THSD4: variants seen among roughly 807,000 people sequenced by gnomAD.
THSD4 encodes the protein thrombospondin type 1 domain containing 4.
In THSD4, 69 loss-of-function variants were observed where a neutral mutation model predicts 119.0. That is an observed-to-expected ratio of 0.58 (90% confidence interval 0.48 to 0.71). The LOEUF (loss-of-function observed/expected upper bound fraction) is 0.71, where lower values mean the gene tolerates loss of function less well. Among genes scored for constraint, THSD4 ranks in the 30% least tolerant of loss-of-function variants. The pLI is 0.00. For synonymous variants in THSD4, 524 were observed against 540.4 expected (o/e 0.97, Z 0.42); for missense variants, 1,393 against 1,391.1 (o/e 1.00, Z -0.02).
chr15:71,688,201 A>C (rs1015961965), intron 8 of THSD4, among the ~76,000 whole-genome samples: 3 of 152,242 alleles, frequency 2.0e-5, no homozygotes, highest in African/African-American at 7.2e-5. Context: ...ACTGGTGGGA[A>C]GCCTTTACAA....
At chr15:71,507,411 C>T (rs1385354589) in intron 7 of THSD4, among the ~76,000 whole-genome samples, 1 of 17,380 alleles carries the variant, frequency 5.8e-5, no homozygotes, top group Admixed American at 6.2e-4. Context: ...TTATTTCTCT[C>T]ATAAACTGCA....
chr15:71,756,305 G>T (rs1329346403), intron 14 of THSD4, among the ~76,000 whole-genome samples: 1 of 152,188 alleles, frequency 6.6e-6, no homozygotes, highest in Admixed American at 6.5e-5. Flanking sequence ...TAGAGTCTGT[G>T]AGACCTAATG....
intron 8 of THSD4, among the ~76,000 whole-genome samples, chr15:71,704,095 A>G (rs778914551): frequency 8.6e-5 from 13 of 152,038 alleles, no homozygotes; most frequent in South Asian, 2.1e-4. Flanking sequence ...TGATCCGCCC[A>G]CCTTGGCCTC....
In THSD4 at chr15:71,778,401, TTAC is replaced by T. The variant is rs1355611968; in HGVS notation, c.*1029_*1031del. On this transcript the variant is annotated 3_prime_UTR_variant, in exon 18 of 18. Coordinates refer to ENST00000261862, the MANE Select transcript of THSD4 (RefSeq NM_024817.3). ...GAAACCAGGTGATTGCCTGAAATTC[TTAC>T]TCCGTTCCAAGTGCTGTTCCTCCCA... 1 of 152,330 alleles carries T rather than the reference TTAC, an allele frequency of 6.6e-6. No individual in the cohort carries two copies. The highest frequency in any genetic ancestry group is 1.5e-5 in the Non-Finnish European group (1 of 68,134). The allele number at this position is 152,330 out of a possible 1,614,324, so 9.4% of individuals were successfully genotyped here.
intron 6 of THSD4, among the ~76,000 whole-genome samples, chr15:71,259,461 T>C (rs1039174900): frequency 6.6e-6 from 1 of 151,960 alleles, no homozygotes; most frequent in Non-Finnish European, 1.5e-5. Context: ...TGAGATCTAC[T>C]CGCTAGAGTA....
chr15:71,164,443 A>T (rs1327002496), intron 3 of THSD4, among the ~76,000 whole-genome samples: 5 of 150,266 alleles, frequency 3.3e-5, no homozygotes. Context: ...GCTGCATCAG[A>T]GACAACTGAA....
intron 7 of THSD4, among the ~76,000 whole-genome samples, chr15:71,429,361 G>T (rs990246437): frequency 1.3e-5 from 2 of 152,248 alleles, no homozygotes; most frequent in African/African-American, 4.8e-5. Flanking sequence ...CCACAGAGCA[G>T]ACAATGGGTG....
intron 7 of THSD4, among the ~76,000 whole-genome samples, chr15:71,538,422 G>T (rs2048715014): frequency 6.6e-6 from 1 of 152,188 alleles, no homozygotes; most frequent in South Asian, 2.1e-4. Flanking sequence ...TCAGGTAAAT[G>T]ATCTGTCTCT....
At chr15:71,554,681 C>A (rs2048990720) in intron 7 of THSD4, among the ~76,000 whole-genome samples, 1 of 151,974 alleles carries the variant, frequency 6.6e-6, no homozygotes, top group South Asian at 2.1e-4. Context: ...CAGGTGTGAG[C>A]CACCACACCC....
At chr15:71,188,312 C>A (rs896428136) in intron 3 of THSD4, among the ~76,000 whole-genome samples, 1 of 151,900 alleles carries the variant, frequency 6.6e-6, no homozygotes, top group Admixed American at 6.6e-5. Flanking sequence ...GGTGTGGGAG[C>A]CGTGAGAGTT....
chr15:71,781,089 C>A lies in THSD4; in HGVS notation c.*3715C>A. 1 of 261,550 alleles carries A rather than the reference C, an allele frequency of 3.8e-6. No individual in the cohort carries two copies. Among genetic ancestry groups the A allele is most frequent in the Non-Finnish European group, 7.8e-6 (1 of 128,676 alleles). 16.2% of individuals were successfully genotyped at this position (261,550 alleles called of 1,614,324 possible). A position where few individuals can be genotyped will look rare whatever the true frequency, so the allele number is the denominator to read the frequency against. ...TCTATATCAGCCTTGTGGGTGGAGA[C>A]TAGTATTTGATCCTTGCCATATAAA... On this transcript the variant is annotated 3_prime_UTR_variant, in exon 18 of 18. Coordinates refer to ENST00000261862, the MANE Select transcript of THSD4 (RefSeq NM_024817.3).
intron 6 of THSD4, among the ~76,000 whole-genome samples, chr15:71,334,131 A>G (rs967607106): frequency 6.6e-6 from 1 of 152,244 alleles, no homozygotes. Flanking sequence ...TACACCCAGC[A>G]AACCGGAAGC....
chr15:71,665,937 G>A (rs2051408778), intron 8 of THSD4, among the ~76,000 whole-genome samples: 2 of 152,182 alleles, frequency 1.3e-5, no homozygotes, highest in South Asian at 4.1e-4. Context: ...CAGGTAACGT[G>A]ATGCTTCCAG....
intron 6 of THSD4, among the ~76,000 whole-genome samples, chr15:71,384,878 T>C (rs1322101925): frequency 1.3e-5 from 2 of 152,246 alleles, no homozygotes; most frequent in Non-Finnish European, 2.9e-5. Context: ...AAGGATCCCA[T>C]TTTTATGTTG....
At chr15:71,395,727 A>G (rs4513048) in intron 6 of THSD4, among the ~76,000 whole-genome samples, 110,551 of 151,178 alleles carry the variant, frequency 0.73, 40,872 homozygotes, top group Middle Eastern at 0.87. Flanking sequence ...GGGCCACAGA[A>G]CAAGCCCCTG....
intron 7 of THSD4, among the ~76,000 whole-genome samples, chr15:71,469,527 C>A (rs1469792269): frequency 6.6e-6 from 1 of 152,188 alleles, no homozygotes; most frequent in Admixed American, 6.5e-5. Flanking sequence ...GGCTGAGAAG[C>A]TGCCAACCAA....
intron 7 of THSD4, among the ~76,000 whole-genome samples, chr15:71,427,574 A>C: frequency 6.7e-6 from 1 of 148,306 alleles, no homozygotes; most frequent in South Asian, 2.2e-4. Flanking sequence ...GAGATTGGAG[A>C]AAGTGTATGC....
intron 2 of THSD4, among the ~76,000 whole-genome samples, chr15:71,147,128 T>C (rs949129750): frequency 6.6e-6 from 1 of 152,242 alleles, no homozygotes; most frequent in Non-Finnish European, 1.5e-5. Flanking sequence ...TCTTTGGCTT[T>C]TCCAACAGGG....
intron 4 of THSD4, among the ~76,000 whole-genome samples, chr15:71,220,519 T>C (rs1264377818): frequency 6.6e-6 from 1 of 152,154 alleles, no homozygotes; most frequent in Non-Finnish European, 1.5e-5. Context: ...ATACCTATCA[T>C]GTGGGGTTGT....
Sources: allele counts gnomAD v4.1 joint callset (sites outside exome capture counted in the v4.1 genomes callset), GRCh38; gene constraint gnomAD v4.1.1; transcripts MANE v1.5; gene names NCBI Gene and HGNC (gene_info 2026-07-23, HGNC 2026-07-21).